KLHL15: variants seen among roughly 807,000 people sequenced by gnomAD.
KLHL15 encodes kelch-like protein 15.
In KLHL15, 1 loss-of-function variant was observed where a neutral mutation model predicts 29.3. The observed-to-expected ratio is 0.03, with a 90% CI of 0.01 to 0.16. The LOEUF (loss-of-function observed/expected upper bound fraction) is 0.16. Among genes scored for constraint, KLHL15 ranks in the 10% least tolerant of loss-of-function variants. The probability of loss-of-function intolerance (pLI) is 1.00; values close to 1 mark genes in which losing one functional copy is unlikely to be tolerated. For synonymous variants in KLHL15, 212 were observed against 184.5 expected, an observed-to-expected ratio of 1.15 and a Z score of -1.21; for missense variants, 215 against 478.5, an observed-to-expected ratio of 0.45 and a Z score of 5.14.
chrX:24,020,542 A>G (rs763859967), intron 2 of KLHL15, among the ~76,000 whole-genome samples: 26 of 111,404 alleles, frequency 2.3e-4, no homozygotes, highest in African/African-American at 7.8e-4. Flanking sequence ...AAATTACTTC[A>G]CTTTTCAGGT....
rs751150454 is a variant in KLHL15 at position 24,005,770 on chromosome X, T to C, written c.705+219A>G. On this transcript the variant is annotated intron_variant, in intron 3 of 3. Transcript: ENST00000328046. ...ACTGTTTTACTACCTACGTGGTTTA[T>C]CTTTCACCCACAAAATGTATTTTAC... Among the ~76,000 whole-genome samples the C allele has an allele frequency of 1.3e-4, 15 of 112,317 alleles. No individual in the cohort carries two copies. Among genetic ancestry groups the C allele is most frequent in the Non-Finnish European group, 2.6e-4 (14 of 53,305 alleles).
intron 1 of KLHL15, among the ~76,000 whole-genome samples, chrX:24,025,409 C>T: frequency 9.5e-6 from 1 of 105,612 alleles, no homozygotes; most frequent in South Asian, 3.9e-4. Context: ...GGGCCGCGCG[C>T]CCCCTGCGGG....
chrX:24,019,020 AAT>A (rs1929750195), intron 2 of KLHL15, among the ~76,000 whole-genome samples: 1 of 111,588 alleles, frequency 9.0e-6, no homozygotes, highest in Admixed American at 9.5e-5. Context: ...ATAAATAAAG[AAT>A]AGTTATTTGT....
intron 3 of KLHL15, among the ~76,000 whole-genome samples, chrX:24,002,166 G>T (rs6629786): frequency 0.53 from 58,064 of 109,375 alleles, 13,012 homozygotes; most frequent in African/African-American, 0.88. Flanking sequence ...AATAAATAAA[G>T]AAAGTATAAT....
chrX:24,025,727 A>C (rs1327763653), intron 1 of KLHL15, among the ~76,000 whole-genome samples: 1 of 10,192 alleles, frequency 9.8e-5, no homozygotes, highest in Non-Finnish European at 2.0e-4. Flanking sequence ...ACGGGGGGGA[A>C]GGGGGGGCGG....
At chrX:23,993,328 T>A (rs1171206698) in intron 3 of KLHL15, among the ~76,000 whole-genome samples, 1 of 111,117 alleles carries the variant, frequency 9.0e-6, no homozygotes, top group African/African-American at 3.3e-5. Context: ...CTGAGGTAGA[T>A]CCTGTATTGT....
chrX:24,005,368 T>C (rs73197327), intron 3 of KLHL15, among the ~76,000 whole-genome samples: 1,746 of 112,382 alleles, frequency 0.016, 10 homozygotes, highest in Non-Finnish European at 0.023. Flanking sequence ...TCTACTTGTT[T>C]AGAAATGCCA....
Position 23,988,263 on chromosome X carries a change from A to G in KLHL15, c.1473T>C (p.Tyr491=), listed in dbSNP as rs1054431348. Residue 491 remains tyrosine (Y), a synonymous_variant, in exon 4 of 4, where the codon TAT becomes TAC. Transcript: ENST00000328046. ...HKMISYNGKL[Y]VFGGVCVILR... ...AGATCACACAGACACCACCGAAGAC[A>G]TAAAGCTTGCCATTGTAAGAAATCA... is the stretch of plus-strand genomic sequence containing the variant. 7.4e-6 allele frequency: 9 copies of G among 1,209,882 alleles called. No individual in the cohort carries two copies. In the African/African-American group the frequency reaches 8.8e-5, roughly 12 times the overall value.
intron 2 of KLHL15, 101 bp from the exon 3 acceptor site, chrX:24,006,801 C>G: frequency 1.7e-6 from 1 of 602,677 alleles, no homozygotes; most frequent in Admixed American, 3.9e-5. Context: ...CTCAATTCTA[C>G]TGACTAAGTC....
intron 2 of KLHL15, among the ~76,000 whole-genome samples, chrX:24,022,410 G>T (rs1929828288): frequency 9.7e-6 from 1 of 103,066 alleles, no homozygotes. Context: ...AAGGCGGGTA[G>T]ATCACTTGAG....
chrX:24,008,883 A>C (rs1220870041), intron 2 of KLHL15, among the ~76,000 whole-genome samples: 1 of 107,335 alleles, frequency 9.3e-6, no homozygotes, highest in Non-Finnish European at 1.9e-5. Context: ...AAAAAAAAAA[A>C]CAAAACAAAA....
At chrX:23,998,532 C>A (rs868054826) in intron 3 of KLHL15, among the ~76,000 whole-genome samples, 1 of 111,928 alleles carries the variant, frequency 8.9e-6, no homozygotes, top group Non-Finnish European at 1.9e-5. Context: ...GCTGGGATTA[C>A]AGGTGTGACT....
At chrX:23,996,613 A>G (rs751012677) in intron 3 of KLHL15, among the ~76,000 whole-genome samples, 1 of 111,650 alleles carries the variant, frequency 9.0e-6, no homozygotes, top group African/African-American at 3.3e-5. Flanking sequence ...CAGTGAGCCG[A>G]GATCGCACCG....
chrX:24,014,666 T>C (rs757406724), intron 2 of KLHL15, among the ~76,000 whole-genome samples: 7 of 110,818 alleles, frequency 6.3e-5, no homozygotes, highest in Non-Finnish European at 1.3e-4. Flanking sequence ...CCCAAAGACA[T>C]ATGTAAAGAC....
At chrX:24,017,518 C>T (rs896888710) in intron 2 of KLHL15, among the ~76,000 whole-genome samples, 6 of 110,354 alleles carry the variant, frequency 5.4e-5, no homozygotes, top group African/African-American at 1.7e-4. Context: ...CAGTGGCTCA[C>T]GTCTATAATC....
intron 2 of KLHL15, among the ~76,000 whole-genome samples, chrX:24,017,211 C>CAAA (rs781366129): frequency 0.012 from 504 of 43,072 alleles, 5 homozygotes; most frequent in African/African-American, 0.031. Flanking sequence ...GAGCCTGTCT[C>CAAA]AAAAAAAAAA....
rs1325085258 is a variant in KLHL15 at position 24,014,678 on chromosome X, G to A, written c.-7-7978C>T. 2.7e-5 allele frequency among the ~76,000 whole-genome samples: 3 copies of A among 111,672 alleles called. No individual in the cohort carries two copies. In the East Asian group the frequency reaches 8.4e-4, roughly 31 times the overall value. On this transcript the variant is annotated intron_variant, in intron 2 of 3. Transcript: ENST00000328046. ...GACCCCAAAGACATATGTAAAGACA[G>A]CTCCTGTCTGAGTACACAGCACTCT...
intron 2 of KLHL15, among the ~76,000 whole-genome samples, chrX:24,020,345 C>T: frequency 8.9e-6 from 1 of 112,337 alleles, no homozygotes; most frequent in Admixed American, 9.5e-5. Context: ...ACTCTCAATA[C>T]ACTACTCAAA....
intron 3 of KLHL15, among the ~76,000 whole-genome samples, chrX:23,989,333 C>T (rs148061373): frequency 2.3e-3 from 253 of 109,623 alleles, no homozygotes; most frequent in African/African-American, 8.1e-3. Context: ...TGCCACCACG[C>T]GCCCAGCTAA....
Sources: allele counts gnomAD v4.1 joint callset (sites outside exome capture counted in the v4.1 genomes callset), GRCh38; gene constraint gnomAD v4.1.1; transcripts MANE v1.5; gene names NCBI Gene and HGNC (gene_info 2026-07-23, HGNC 2026-07-21).